Variants in ZFHX3 observed in about 807,000 individuals in gnomAD.
The protein encoded by ZFHX3 is zinc finger homeobox protein 3.
Under a neutral mutation model 279.1 loss-of-function variants are expected in ZFHX3, and 42 were observed. The ratio of observed to expected loss-of-function variants is 0.15; its 90% CI spans 0.12 to 0.19. The LOEUF is 0.19. ZFHX3 is among the 10% of genes least tolerant of loss of function. The pLI is 1.00. For synonymous variants in ZFHX3, 2,293 were observed against 1,957.8 expected, an observed-to-expected ratio of 1.17 and a Z score of -4.52; for missense variants, 4,981 against 4,754.0, an observed-to-expected ratio of 1.05 and a Z score of -1.40.
intron 5 of ZFHX3, among the ~76,000 whole-genome samples, chr16:73,202,544 C>G (rs538667682): frequency 6.6e-5 from 10 of 152,256 alleles, no homozygotes; most frequent in African/African-American, 2.4e-4. Flanking sequence ...CTGCTGGAGT[C>G]GAAATGACTA....
At position 72,793,181 on chromosome 16, in the gene ZFHX3, G is replaced by C; in HGVS notation, c.9427+74C>G. The C allele has an allele frequency of 6.6e-7, 1 of 1,525,324 alleles. No individual in the cohort carries two copies. The highest frequency in any genetic ancestry group is 8.8e-7 in the Non-Finnish European group (1 of 1,139,156). The allele number at this position is 1,525,324 out of a possible 1,614,324, so 94.5% of individuals were successfully genotyped here. On this transcript the variant is annotated intron_variant, in intron 9 of 9. Coordinates refer to ENST00000268489, the MANE Select transcript of ZFHX3 (RefSeq NM_006885.4). The surrounding 1 kb of genome is among the most constrained non-coding windows in gnomAD (Gnocchi z 4.3). ...ATCTGCCCAGCACTCAGAGGGTTTG[G>C]GTGGTATCCACATAACAGAATGCTG... is the stretch of plus-strand genomic sequence containing the variant.
At chr16:73,754,158 A>G (rs1198874491) in intron 1 of ZFHX3, among the ~76,000 whole-genome samples, 1 of 152,164 alleles carries the variant, frequency 6.6e-6, no homozygotes. Context: ...TTACTGACTC[A>G]TGAATATATT....
chr16:73,129,708 A>ATG (rs772853183), intron 7 of ZFHX3, among the ~76,000 whole-genome samples: 403 of 126,950 alleles, frequency 3.2e-3, no homozygotes, highest in Non-Finnish European at 5.0e-3. Context: ...ATGTGTGTGC[A>ATG]TGTGTATGTG....
chr16:73,193,250 T>C (rs772579611), intron 5 of ZFHX3, among the ~76,000 whole-genome samples: 19 of 152,174 alleles, frequency 1.2e-4, no homozygotes, highest in Non-Finnish European at 2.6e-4. Context: ...TATAACCTAG[T>C]CTTGTGACCC....
chr16:73,666,189 A>C (rs1363423604), intron 2 of ZFHX3, among the ~76,000 whole-genome samples: 1 of 151,826 alleles, frequency 6.6e-6, no homozygotes, highest in African/African-American at 2.4e-5. Context: ...GATATGGAAA[A>C]ATGGACATAC....
chr16:73,665,403 G>T (rs533482415), intron 2 of ZFHX3, among the ~76,000 whole-genome samples: 2 of 151,650 alleles, frequency 1.3e-5, no homozygotes, highest in Non-Finnish European at 2.9e-5. Context: ...TAGTAGAGAC[G>T]GGGTTCCACC....
chr16:73,797,579 T>C (rs551240569), intron 1 of ZFHX3, among the ~76,000 whole-genome samples: 63 of 152,236 alleles, frequency 4.1e-4, no homozygotes, highest in African/African-American at 1.3e-3. Flanking sequence ...TTTTCAAGTA[T>C]GATTCATTGT....
At chr16:72,856,924 C>A (rs77105164) in intron 4 of ZFHX3, among the ~76,000 whole-genome samples, 2,417 of 152,258 alleles carry the variant, frequency 0.016, 61 homozygotes, top group African/African-American at 0.055. Flanking sequence ...AGTACACAGA[C>A]CTCAAAAAGC....
At chr16:73,651,245 A>G (rs2052667377) in intron 2 of ZFHX3, among the ~76,000 whole-genome samples, 1 of 152,086 alleles carries the variant, frequency 6.6e-6, no homozygotes, top group South Asian at 2.1e-4. Flanking sequence ...AGAAAAAAAA[A>G]AAGCAGGGAA....
intron 2 of ZFHX3, among the ~76,000 whole-genome samples, chr16:73,624,469 G>C (rs1032098410): frequency 6.6e-6 from 1 of 152,050 alleles, no homozygotes; most frequent in Non-Finnish European, 1.5e-5. Context: ...AGAGTCAGGG[G>C]GCAGGAGGGA....
intron 3 of ZFHX3, among the ~76,000 whole-genome samples, chr16:73,390,564 A>G (rs1228167435): frequency 6.6e-6 from 1 of 152,190 alleles, no homozygotes; most frequent in Non-Finnish European, 1.5e-5. Flanking sequence ...CAAATCATAA[A>G]GCAGGATTGT....
chr16:73,337,923 C>G (rs1311549630), intron 3 of ZFHX3, among the ~76,000 whole-genome samples: 1 of 103,614 alleles, frequency 9.7e-6, no homozygotes, highest in Non-Finnish European at 2.4e-5. Context: ...CCTTTTTATG[C>G]CCATCCTCTG....
intron 6 of ZFHX3, among the ~76,000 whole-genome samples, chr16:73,132,789 G>T (rs1233325045): frequency 1.3e-5 from 2 of 152,164 alleles, no homozygotes; most frequent in Non-Finnish European, 2.9e-5. Context: ...CCTCAGTTCA[G>T]GTTCAACCTT....
At chr16:72,912,491 T>G (rs777742821) in intron 3 of ZFHX3, among the ~76,000 whole-genome samples, 1 of 152,118 alleles carries the variant, frequency 6.6e-6, no homozygotes, top group African/African-American at 2.4e-5. Flanking sequence ...TTTGGAAAAT[T>G]GTTGCAGGAA....
At chr16:72,996,965 C>A (rs1963319107) in intron 1 of ZFHX3, among the ~76,000 whole-genome samples, 1 of 152,176 alleles carries the variant, frequency 6.6e-6, no homozygotes, top group African/African-American at 2.4e-5. Flanking sequence ...AAGAGTAAGG[C>A]TGGACATTCA....
intron 4 of ZFHX3, among the ~76,000 whole-genome samples, chr16:72,887,709 G>A (rs949776006): frequency 2.0e-5 from 3 of 151,554 alleles, no homozygotes; most frequent in Non-Finnish European, 4.4e-5. Context: ...ATGTGGGGGA[G>A]GTGCACGCAG....
At chr16:73,355,862 T>C (rs1001750283) in intron 3 of ZFHX3, among the ~76,000 whole-genome samples, 1 of 152,136 alleles carries the variant, frequency 6.6e-6, no homozygotes, top group Non-Finnish European at 1.5e-5. Flanking sequence ...AGTAGGAGCA[T>C]TTGTTGCTAG....
intron 2 of ZFHX3, among the ~76,000 whole-genome samples, chr16:73,462,365 A>G (rs562552757): frequency 7.9e-5 from 12 of 152,270 alleles, no homozygotes; most frequent in African/African-American, 2.6e-4. Context: ...GCAAATAAAA[A>G]TACTTCTTTT....
chr16:73,431,958 T>G (rs2017918739), intron 3 of ZFHX3, among the ~76,000 whole-genome samples: 1 of 152,102 alleles, frequency 6.6e-6, no homozygotes, highest in Admixed American at 6.6e-5. Flanking sequence ...GGGGAATGTT[T>G]GGGTTTGAGT....
Sources: allele counts gnomAD v4.1 joint callset (sites outside exome capture counted in the v4.1 genomes callset), GRCh38; gene constraint gnomAD v4.1.1; non-coding constraint Gnocchi (gnomAD v3.1); transcripts MANE v1.5; gene names NCBI Gene and HGNC (gene_info 2026-07-23, HGNC 2026-07-21).